The following LRP1B variants were observed in gnomAD, a reference collection of about 807,000 sequenced individuals.
LRP1B encodes low-density lipoprotein receptor-related protein 1B.
A neutral mutation model predicts 556.6 loss-of-function variants in LRP1B; 217 were observed. The observed-to-expected ratio is 0.39, with a 90% CI of 0.35 to 0.44. The LOEUF is 0.44. Among genes scored for constraint, LRP1B ranks in the 20% least tolerant of loss-of-function variants. The probability of loss-of-function intolerance (pLI) is 1.00; values close to 1 mark genes in which losing one functional copy is unlikely to be tolerated. For synonymous variants in LRP1B, 2,047 were observed against 1,865.8 expected (o/e 1.10, Z -2.50); for missense variants, 5,053 against 5,620.8 (o/e 0.90, Z 3.23).
chr2:141,453,230 C>G (rs1387223771), intron 3 of LRP1B, among the ~76,000 whole-genome samples: 1 of 151,714 alleles, frequency 6.6e-6, no homozygotes, highest in Non-Finnish European at 1.5e-5. Flanking sequence ...AAGTGAGACT[C>G]CATCTCAAAA....
intron 7 of LRP1B, among the ~76,000 whole-genome samples, chr2:141,162,151 TGA>T (rs1330962942): frequency 3.9e-5 from 6 of 152,140 alleles, no homozygotes; most frequent in Non-Finnish European, 7.4e-5. Context: ...AGAATGAGGA[TGA>T]GAGGATTACA....
rs375326110 is a variant in LRP1B at position 140,381,594 on chromosome 2, G to A, written c.10532-3308C>T. Among the ~76,000 whole-genome samples the A allele has an allele frequency of 7.9e-5, 12 of 152,192 alleles. No individual in the cohort carries two copies. In the South Asian group the frequency reaches 2.3e-3, roughly 29 times the overall value. On this transcript the variant is annotated intron_variant, in intron 67 of 90. Coordinates refer to ENST00000389484, the MANE Select transcript of LRP1B (RefSeq NM_018557.3). ...TAAAATATAAAGGGCTGAGTGTGGT[G>A]GCTCATGCCTGTAATCCCAACATTT... is the stretch of plus-strand genomic sequence containing the variant.
At chr2:140,698,125 T>C (rs1686501901) in intron 41 of LRP1B, among the ~76,000 whole-genome samples, 2 of 152,014 alleles carry the variant, frequency 1.3e-5, no homozygotes, top group South Asian at 2.1e-4. Flanking sequence ...ATTCCCTACT[T>C]CATCTCACAT....
chr2:140,311,580 A>C (rs1684303863), intron 83 of LRP1B, among the ~76,000 whole-genome samples: 1 of 151,824 alleles, frequency 6.6e-6, no homozygotes, highest in South Asian at 2.1e-4. Context: ...TACACTATTC[A>C]GCTAATGGTT....
At chr2:140,685,296 G>T (rs1469484622) in intron 41 of LRP1B, among the ~76,000 whole-genome samples, 1 of 152,232 alleles carries the variant, frequency 6.6e-6, no homozygotes, top group Admixed American at 6.5e-5. Context: ...TCAGTAAAGA[G>T]AAATAAAGAT....
chr2:141,453,541 T>C (rs1402232530), intron 3 of LRP1B, among the ~76,000 whole-genome samples: 2 of 152,210 alleles, frequency 1.3e-5, no homozygotes, highest in East Asian at 1.9e-4. Flanking sequence ...AGGTTCTGTG[T>C]CAGGTGTTAC....
intron 3 of LRP1B, among the ~76,000 whole-genome samples, chr2:141,472,551 AAAATC>A (rs1682516952): frequency 6.6e-6 from 1 of 152,158 alleles, no homozygotes; most frequent in Non-Finnish European, 1.5e-5. Context: ...AAAAAAAATT[AAAATC>A]AAATCAAATC....
intron 1 of LRP1B, among the ~76,000 whole-genome samples, chr2:141,861,008 C>G (rs1428466761): frequency 6.6e-6 from 1 of 152,194 alleles, no homozygotes; most frequent in Non-Finnish European, 1.5e-5. Flanking sequence ...GCACAATTCT[C>G]TCTACATTCC....
intron 65 of LRP1B, among the ~76,000 whole-genome samples, chr2:140,443,319 C>T (rs569969461): frequency 9.9e-5 from 15 of 152,282 alleles, no homozygotes; most frequent in African/African-American, 3.4e-4. Context: ...CCTCGGCCTC[C>T]TAAAGTGCTG....
At chr2:141,462,495 G>A (rs959911813) in intron 3 of LRP1B, among the ~76,000 whole-genome samples, 2 of 151,838 alleles carry the variant, frequency 1.3e-5, no homozygotes, top group Non-Finnish European at 2.9e-5. Context: ...GCCTGTTGGG[G>A]GGTGGGGGTC....
chr2:141,378,717 A>C (rs938945045), intron 3 of LRP1B, among the ~76,000 whole-genome samples: 3 of 152,342 alleles, frequency 2.0e-5, no homozygotes, highest in Non-Finnish European at 2.9e-5. Context: ...TTTGAATAGC[A>C]GATTTGAATA....
intron 23 of LRP1B, among the ~76,000 whole-genome samples, chr2:140,899,544 A>G (rs1694042655): frequency 6.6e-6 from 1 of 152,184 alleles, no homozygotes; most frequent in South Asian, 2.1e-4. Flanking sequence ...TTAACACTTC[A>G]TATTTGTATG....
At chr2:140,426,763 A>G (rs550135007) in intron 66 of LRP1B, among the ~76,000 whole-genome samples, 6 of 152,288 alleles carry the variant, frequency 3.9e-5, no homozygotes, top group African/African-American at 1.4e-4. Context: ...TTGCTCACAC[A>G]AAGCCTGTTT....
In LRP1B at chr2:141,055,293, C is replaced by G. The variant is rs966663143; in HGVS notation, c.1409-34G>C. The G allele has an allele frequency of 3.1e-6, 5 of 1,591,384 alleles. No individual in the cohort carries two copies. In the African/African-American group the frequency reaches 6.8e-5, roughly 22 times the overall value. ...AATAAAAAACAGCATGCGTGAAATT[C>G]AAGTTCAAAGATAAGATAACTATGT... is the stretch of plus-strand genomic sequence containing the variant. On this transcript the variant is annotated intron_variant, in intron 9 of 90. Coordinates refer to ENST00000389484, the MANE Select transcript of LRP1B (RefSeq NM_018557.3).
intron 2 of LRP1B, among the ~76,000 whole-genome samples, chr2:141,799,988 CCTTT>C (rs1695955540): frequency 6.6e-6 from 1 of 151,970 alleles, no homozygotes; most frequent in Non-Finnish European, 1.5e-5. Flanking sequence ...ATGATCATAT[CCTTT>C]CTAATTGGAA....
At chr2:142,036,608 A>G (rs1445920724) in intron 1 of LRP1B, among the ~76,000 whole-genome samples, 1 of 151,698 alleles carries the variant, frequency 6.6e-6, no homozygotes, top group Non-Finnish European at 1.5e-5. Flanking sequence ...TTTCTCTACA[A>G]TCTTATAAAT....
intron 41 of LRP1B, among the ~76,000 whole-genome samples, chr2:140,618,186 G>C (rs1683324638): frequency 6.6e-6 from 1 of 151,788 alleles, no homozygotes; most frequent in Non-Finnish European, 1.5e-5. Flanking sequence ...ATTAAAGAAG[G>C]AAACACACTT....
intron 2 of LRP1B, among the ~76,000 whole-genome samples, chr2:141,544,296 CTCTTCTTCTTCTTCTTCT>C (rs1175616888): frequency 3.8e-5 from 3 of 78,358 alleles, no homozygotes; most frequent in African/African-American, 1.0e-4. Flanking sequence ...AAATTTACCA[CTCTTCTTCTTCTTCTTCT>C]TCTTCTTCTT....
At chr2:141,409,861 A>G (rs972596108) in intron 3 of LRP1B, among the ~76,000 whole-genome samples, 2 of 152,096 alleles carry the variant, frequency 1.3e-5, no homozygotes, top group Non-Finnish European at 2.9e-5. Context: ...AGAAGGATTA[A>G]GCCACACAAT....
Sources: allele counts gnomAD v4.1 joint callset (sites outside exome capture counted in the v4.1 genomes callset), GRCh38; gene constraint gnomAD v4.1.1; transcripts MANE v1.5; gene names NCBI Gene and HGNC (gene_info 2026-07-23, HGNC 2026-07-21).